The following PTPRG variants were observed in gnomAD, a reference collection of about 807,000 sequenced individuals.
PTPRG encodes receptor-type tyrosine-protein phosphatase gamma.
A neutral mutation model predicts 165.3 loss-of-function variants in PTPRG; 102 were observed. The observed-to-expected ratio is 0.62, with a 90% CI of 0.53 to 0.73. PTPRG has a LOEUF of 0.73. Ranked by LOEUF, PTPRG falls within the 30% of genes least tolerant of loss-of-function variation. The pLI, the probability that PTPRG is intolerant of heterozygous loss-of-function variation, is 0.00. For synonymous variants in PTPRG, 675 were observed against 669.5 expected, an observed-to-expected ratio of 1.01 and a Z score of -0.13; for missense variants, 1,866 against 1,861.4, an observed-to-expected ratio of 1.00 and a Z score of -0.05.
chr3:61,772,617 C>G (rs1373491879), intron 2 of PTPRG, among the ~76,000 whole-genome samples: 2 of 152,080 alleles, frequency 1.3e-5, no homozygotes, highest in Non-Finnish European at 2.9e-5. Context: ...TCATTCTCTT[C>G]ACAATGTAGA....
At chr3:61,863,772 C>G (rs953750130) in intron 2 of PTPRG, among the ~76,000 whole-genome samples, 3 of 152,254 alleles carry the variant, frequency 2.0e-5, no homozygotes, top group South Asian at 2.1e-4. Context: ...TCTGAACATA[C>G]CATTTAAGCT....
intron 1 of PTPRG, among the ~76,000 whole-genome samples, chr3:61,686,390 G>A (rs1284451507): frequency 6.6e-6 from 1 of 152,238 alleles, no homozygotes; most frequent in Non-Finnish European, 1.5e-5. Context: ...ACTGGCCTGT[G>A]CCGTGAGTAG....
intron 5 of PTPRG, among the ~76,000 whole-genome samples, chr3:62,091,668 G>C (rs1198028457): frequency 6.6e-6 from 1 of 152,146 alleles, no homozygotes; most frequent in African/African-American, 2.4e-5. Flanking sequence ...TTCCTTATTA[G>C]TGTCTACTTG....
intron 6 of PTPRG, among the ~76,000 whole-genome samples, chr3:62,140,092 A>C (rs1375037503): frequency 1.3e-5 from 2 of 152,164 alleles, no homozygotes; most frequent in Non-Finnish European, 2.9e-5. Flanking sequence ...ATCTTACACA[A>C]TTGCTGTTGC....
At chr3:61,742,102 G>C (rs4337635) in intron 1 of PTPRG, among the ~76,000 whole-genome samples, 19,361 of 152,032 alleles carry the variant, frequency 0.13, 1,759 homozygotes, top group East Asian at 0.48. Context: ...AAAATGTTTA[G>C]ACTGCAAATT....
At chr3:61,641,510 T>A (rs1301241236) in intron 1 of PTPRG, among the ~76,000 whole-genome samples, 4 of 152,238 alleles carry the variant, frequency 2.6e-5, no homozygotes, top group Non-Finnish European at 5.9e-5. Context: ...CCACCCATTT[T>A]ACTGATATGT....
chr3:62,219,909 A>G lies in PTPRG; in HGVS notation c.2288+926A>G, dbSNP rs1700608602. Among the ~76,000 whole-genome samples, 1 of 152,254 alleles carries G rather than the reference A, an allele frequency of 6.6e-6. No individual in the cohort carries two copies. Among genetic ancestry groups the G allele is most frequent in the African/African-American group, 2.4e-5 (1 of 41,466 alleles). On this transcript the variant is annotated intron_variant, in intron 13 of 29. Transcript: ENST00000474889. This position sits in a 1 kb window ranked among gnomAD's most constrained non-coding sequence, Gnocchi z 4.5. ...CAAATAAGTAAAACATGTAATTTCT[A>G]AGATGGTGGTAACTGGATAATGGAG...
chr3:61,997,897 A>G (rs2041077243), intron 3 of PTPRG, among the ~76,000 whole-genome samples: 1 of 152,166 alleles, frequency 6.6e-6, no homozygotes. Context: ...TGATGTCACA[A>G]ATATTGTGGA....
At chr3:62,064,721 ATTTTTTTTTTTTTTT>A (rs35605831) in intron 4 of PTPRG, among the ~76,000 whole-genome samples, 4 of 62,886 alleles carry the variant, frequency 6.4e-5, no homozygotes, top group Non-Finnish European at 1.1e-4. Context: ...GGTTATTTGG[ATTTTTTTTTTTTTTT>A]TTTTTTTTTT....
intron 3 of PTPRG, among the ~76,000 whole-genome samples, chr3:61,992,992 T>C (rs543549301): frequency 6.6e-6 from 1 of 152,034 alleles, no homozygotes; most frequent in Non-Finnish European, 1.5e-5. Flanking sequence ...ACACGCCACA[T>C]TAGTTCATAA....
chr3:61,898,184 C>G (rs537469423), intron 2 of PTPRG, among the ~76,000 whole-genome samples: 2 of 152,256 alleles, frequency 1.3e-5, no homozygotes, highest in East Asian at 1.9e-4. Context: ...GCTATACTTA[C>G]GTTACAAATC....
At chr3:62,272,178 G>A (rs576509437) in intron 21 of PTPRG, among the ~76,000 whole-genome samples, 15 of 152,002 alleles carry the variant, frequency 9.9e-5, no homozygotes, top group South Asian at 6.2e-4. Context: ...AAAATATGAC[G>A]TTAAACACAA....
chr3:62,088,498 G>T (rs349166), intron 5 of PTPRG, among the ~76,000 whole-genome samples: 12,289 of 152,248 alleles, frequency 0.081, 1,665 homozygotes, highest in African/African-American at 0.28. Context: ...CCAACATAAG[G>T]TGCAAAACTT....
intron 7 of PTPRG, among the ~76,000 whole-genome samples, chr3:62,163,702 C>T (rs1386943406): frequency 1.3e-5 from 2 of 152,192 alleles, no homozygotes; most frequent in Non-Finnish European, 2.9e-5. Context: ...AGTGATAGTA[C>T]TTACTGAGCA....
At chr3:62,262,191 A>G (rs973859331) in intron 16 of PTPRG, 3 of 152,218 alleles carry the variant, frequency 2.0e-5, no homozygotes, top group African/African-American at 7.2e-5. Context: ...TTAAAATACT[A>G]GAGTTCACAA....
At chr3:62,156,142 G>C (rs1704529734) in intron 6 of PTPRG, among the ~76,000 whole-genome samples, 1 of 152,208 alleles carries the variant, frequency 6.6e-6, no homozygotes, top group Non-Finnish European at 1.5e-5. Context: ...TCCTGTCCCA[G>C]GGCCTTTGCT....
chr3:61,561,675 G>C lies in PTPRG; in HGVS notation c.-613G>C, dbSNP rs1463301606. On this transcript the variant is annotated 5_prime_UTR_variant, in exon 1 of 30. Transcript: ENST00000474889. ...ACTTTCAGGAGCATGGACTGAAGGC[G>C]CCCTCGCCCCAGCGCCCCTCTGAGA... 1.3e-5 allele frequency: 2 copies of C among 152,772 alleles called. No individual in the cohort carries two copies. Among genetic ancestry groups the C allele is most frequent in the Admixed American group, 1.3e-4 (2 of 15,290 alleles). The allele number at this position is 152,772 out of a possible 1,614,324, so 9.5% of individuals were successfully genotyped here.
intron 28 of PTPRG, among the ~76,000 whole-genome samples, chr3:62,288,451 G>C (rs887957287): frequency 2.6e-5 from 4 of 152,144 alleles, no homozygotes; most frequent in Non-Finnish European, 4.4e-5. Flanking sequence ...AAGGCGGGCA[G>C]ATCACCAGGT....
At position 62,245,286 on chromosome 3, in the gene PTPRG, T is replaced by G. The variant is rs1701264966; in HGVS notation, c.2467+1388T>G. ...AGAAGGTAGACAGGAATCATCAGTC[T>G]TCATCAGCATGAAATAAGTAGTTTC... On this transcript the variant is annotated intron_variant, in intron 15 of 29. Coordinates refer to ENST00000474889, the MANE Select transcript of PTPRG (RefSeq NM_002841.4). This position sits in a 1 kb window ranked among gnomAD's most constrained non-coding sequence, Gnocchi z 4.2. Among the ~76,000 whole-genome samples the G allele has an allele frequency of 2.0e-5, 3 of 152,218 alleles. No individual in the cohort carries two copies. The highest frequency in any genetic ancestry group is 1.3e-4 in the Admixed American group (2 of 15,282).
Sources: gnomAD v4.1 joint callset for allele counts (sites outside exome capture counted in the v4.1 genomes callset) on GRCh38, gnomAD v4.1.1 for gene constraint, Gnocchi (gnomAD v3.1) non-coding constraint, MANE v1.5 for transcripts, NCBI Gene and HGNC (gene_info 2026-07-23, HGNC 2026-07-21) for gene names.